The following NAV2 variants were observed in gnomAD, a reference collection of about 807,000 sequenced individuals.
NAV2 encodes the protein neuron navigator 2, also known as helicase, APC down-regulated 1.
Under a neutral mutation model 223.2 loss-of-function variants are expected in NAV2, and 54 were observed. The ratio of observed to expected loss-of-function variants is 0.24; its 90% CI spans 0.19 to 0.30. NAV2 has a LOEUF of 0.30. NAV2 is among the 10% of genes least tolerant of loss of function. NAV2 has a pLI of 1.00. For synonymous variants in NAV2, 1,279 were observed against 1,239.3 expected, an observed-to-expected ratio of 1.03 and a Z score of -0.67; for missense variants, 2,806 against 3,147.5, an observed-to-expected ratio of 0.89 and a Z score of 2.60.
At chr11:19,395,486 C>T (rs556692217) in intron 1 of NAV2, among the ~76,000 whole-genome samples, 1 of 152,328 alleles carries the variant, frequency 6.6e-6, no homozygotes, top group African/African-American at 2.4e-5. Flanking sequence ...AGGGCAGTAC[C>T]TGTAGCTTGT....
chr11:19,885,476 A>C (rs565099338), intron 5 of NAV2, among the ~76,000 whole-genome samples: 2 of 152,324 alleles, frequency 1.3e-5, no homozygotes, highest in East Asian at 3.9e-4. Flanking sequence ...GCTGGGGTAG[A>C]ATCTCCTTAT....
chr11:19,855,838 A>G (rs2061384101), intron 3 of NAV2, among the ~76,000 whole-genome samples: 1 of 152,156 alleles, frequency 6.6e-6, no homozygotes, highest in African/African-American at 2.4e-5. Context: ...TCCTCTACAT[A>G]CATTGCATAA....
intron 3 of NAV2, among the ~76,000 whole-genome samples, chr11:19,851,978 C>A (rs1160257235): frequency 6.6e-6 from 1 of 152,172 alleles, no homozygotes; most frequent in African/African-American, 2.4e-5. Context: ...AAGTTGCAGG[C>A]TTTGAAGGTG....
rs986691363 is a variant in NAV2 at position 19,464,488 on chromosome 11, C to T, written c.75+113461C>T. ...TCTAAGAGAGGGCCTGGCATTCAGACTTGTCCTACTCCTGGGCAACCTTGG... is the reference window on the plus strand; with the variant it reads ...TCTAAGAGAGGGCCTGGCATTCAGATTTGTCCTACTCCTGGGCAACCTTGG... On this transcript the variant is annotated intron_variant, in intron 1 of 37. Transcript: ENST00000360655. 6.6e-5 allele frequency among the ~76,000 whole-genome samples: 10 copies of T among 152,336 alleles called. No individual in the cohort carries two copies. The South Asian group carries it at 1.2e-3, about 19-fold the overall frequency.
At chr11:19,405,360 T>A (rs763168863) in intron 1 of NAV2, among the ~76,000 whole-genome samples, 6 of 152,204 alleles carry the variant, frequency 3.9e-5, no homozygotes, top group Non-Finnish European at 5.9e-5. Context: ...ACTGGCTCCC[T>A]CCCCTTCTCC....
intron 1 of NAV2, among the ~76,000 whole-genome samples, chr11:19,547,205 T>C (rs1335084484): frequency 6.6e-6 from 1 of 152,114 alleles, no homozygotes; most frequent in Non-Finnish European, 1.5e-5. Flanking sequence ...TGGAAAGCAG[T>C]TGTTCGTTGA....
chr11:19,540,278 T>C (rs2044304894), intron 1 of NAV2, among the ~76,000 whole-genome samples: 1 of 152,118 alleles, frequency 6.6e-6, no homozygotes, highest in Non-Finnish European at 1.5e-5. Context: ...CCTCTCCTCC[T>C]TGCTCCTCAC....
At chr11:20,095,643 T>C (rs768265228) in intron 29 of NAV2, 29 bp from the exon 30 acceptor site, 3 of 1,522,100 alleles carry the variant, frequency 2.0e-6, no homozygotes, top group Non-Finnish European at 2.7e-6. Flanking sequence ...CCACCTGTTT[T>C]TCACCTGTGT....
intron 5 of NAV2, chr11:19,884,180 G>C (rs565987607): frequency 4.8e-5 from 34 of 710,676 alleles, no homozygotes; most frequent in Non-Finnish European, 7.1e-5. Context: ...AGTGGGCAGG[G>C]GGGGAAAGAA....
At position 20,080,220 on chromosome 11, in the gene NAV2, A is replaced by T; in HGVS notation, c.5325+11A>T. On this transcript the variant is annotated intron_variant, in intron 25 of 37. Coordinates refer to ENST00000349880, the MANE Select transcript of NAV2 (RefSeq NM_145117.5). ...AAGCGGAAGAACTGGGTGAGTGCACATCCACTCTCCTGGGGACTGACGGAC... is the reference window on the plus strand; with the variant it reads ...AAGCGGAAGAACTGGGTGAGTGCACTTCCACTCTCCTGGGGACTGACGGAC... 1 of 1,612,454 alleles carries T rather than the reference A, an allele frequency of 6.2e-7. No individual in the cohort carries two copies. The highest frequency in any genetic ancestry group is 8.5e-7 in the Non-Finnish European group (1 of 1,178,904).
At chr11:19,378,431 G>C (rs534729522) in intron 1 of NAV2, among the ~76,000 whole-genome samples, 1 of 152,152 alleles carries the variant, frequency 6.6e-6, no homozygotes, top group Non-Finnish European at 1.5e-5. Context: ...CACCTTATCT[G>C]CTCCTTGGCA....
chr11:19,466,704 G>T (rs1227268908), intron 1 of NAV2, among the ~76,000 whole-genome samples: 1 of 152,200 alleles, frequency 6.6e-6, no homozygotes, highest in Non-Finnish European at 1.5e-5. Flanking sequence ...TGTCAGTTGG[G>T]ACAGGTCATG....
chr11:19,848,551 C>T (rs2060934815), intron 3 of NAV2, among the ~76,000 whole-genome samples: 1 of 152,236 alleles, frequency 6.6e-6, no homozygotes, highest in South Asian at 2.1e-4. Context: ...AGGCCAACTG[C>T]TTGTAACCCA....
rs771893645 is a variant in NAV2 at position 20,114,792 on chromosome 11, G to A, written c.7161G>A (p.Pro2387=). Residue 2387 remains proline, a synonymous_variant, in exon 37 of 38, where the codon CCG becomes CCA. Coordinates refer to ENST00000349880, the MANE Select transcript of NAV2 (RefSeq NM_145117.5). ...QMPPSDAEGD[P]LMNMLMRLQE... ...CCCCCAGTGATGCTGAAGGTGACCC[G>A]CTGGTGAGTCCTCAGCCACCAGAGC... is the stretch of plus-strand genomic sequence containing the variant. 34 of 1,612,304 alleles carry A rather than the reference G, an allele frequency of 2.1e-5. 1 individual carries two copies. In the African/African-American group the frequency reaches 2.3e-4, roughly 11 times the overall value.
At chr11:19,457,643 G>A (rs1852000886) in intron 1 of NAV2, among the ~76,000 whole-genome samples, 1 of 152,182 alleles carries the variant, frequency 6.6e-6, no homozygotes, top group Non-Finnish European at 1.5e-5. Flanking sequence ...CACATGAAGT[G>A]AAGGGTGAAT....
At chr11:20,105,407 A>T (rs991827623) in intron 34 of NAV2, 124 bp from the exon 35 acceptor site, 20 of 735,778 alleles carry the variant, frequency 2.7e-5, no homozygotes, top group Non-Finnish European at 2.3e-6. Flanking sequence ...TGTTCGGTGC[A>T]TAGCTAATCC....
chr11:19,349,539 C>T (rs1853180682), upstream of NAV2, among the ~76,000 whole-genome samples: 1 of 152,164 alleles, frequency 6.6e-6, no homozygotes, highest in African/African-American at 2.4e-5. Flanking sequence ...CCGCAGCTCT[C>T]CCGGAGGCTG....
At chr11:19,809,448 A>C (rs918730651) in intron 1 of NAV2, among the ~76,000 whole-genome samples, 1 of 152,234 alleles carries the variant, frequency 6.6e-6, no homozygotes, top group African/African-American at 2.4e-5. Context: ...AATAAACTTT[A>C]AGACTAGATT....
intron 11 of NAV2, among the ~76,000 whole-genome samples, chr11:19,995,793 G>C (rs2051819089): frequency 6.6e-6 from 1 of 152,220 alleles, no homozygotes; most frequent in Non-Finnish European, 1.5e-5. Context: ...TGTTTTCATT[G>C]AGATAACAAA....
Sources: allele counts gnomAD v4.1 joint callset (sites outside exome capture counted in the v4.1 genomes callset), GRCh38; gene constraint gnomAD v4.1.1; transcripts MANE v1.5; gene names NCBI Gene and HGNC (gene_info 2026-07-23, HGNC 2026-07-21).